The following MAGI1 variants were observed in gnomAD, a reference collection of about 807,000 sequenced individuals.
MAGI1 encodes the protein membrane-associated guanylate kinase, WW and PDZ domain-containing protein 1.
Under a neutral mutation model 139.9 loss-of-function variants are expected in MAGI1, and 58 were observed. That is an observed-to-expected ratio of 0.41 (90% CI 0.34 to 0.52). The LOEUF (loss-of-function observed/expected upper bound fraction) is 0.52. MAGI1 is among the 20% of genes least tolerant of loss of function. The probability of loss-of-function intolerance (pLI) is 0.12; values close to 1 mark genes in which losing one functional copy is unlikely to be tolerated. For synonymous variants in MAGI1, 812 were observed against 737.9 expected, an observed-to-expected ratio of 1.10 and a Z score of -1.63; for missense variants, 1,874 against 1,901.6, an observed-to-expected ratio of 0.99 and a Z score of 0.27.
intron 1 of MAGI1, among the ~76,000 whole-genome samples, chr3:65,775,098 G>A (rs1289866249): frequency 6.6e-6 from 1 of 151,996 alleles, no homozygotes; most frequent in Non-Finnish European, 1.5e-5. Context: ...CAGACTGATT[G>A]ATCTCAAATG....
chr3:65,655,010 T>C (rs1559758360), intron 1 of MAGI1, among the ~76,000 whole-genome samples: 1 of 152,216 alleles, frequency 6.6e-6, no homozygotes, highest in Non-Finnish European at 1.5e-5. Flanking sequence ...ATTTATTTTA[T>C]ATCAATTTCA....
At chr3:65,684,897 T>G (rs1163214727) in intron 1 of MAGI1, among the ~76,000 whole-genome samples, 1 of 143,274 alleles carries the variant, frequency 7.0e-6, no homozygotes, top group Admixed American at 7.0e-5. Flanking sequence ...TTTTTTTTTT[T>G]GGTAGAGATG....
At chr3:66,004,840 C>G (rs1451974252) in intron 1 of MAGI1, among the ~76,000 whole-genome samples, 1 of 152,104 alleles carries the variant, frequency 6.6e-6, no homozygotes, top group Non-Finnish European at 1.5e-5. Context: ...CAGGAGAGAG[C>G]TAGAAGAATG....
intron 13 of MAGI1, among the ~76,000 whole-genome samples, chr3:65,400,364 A>G (rs1385182727): frequency 2.0e-5 from 3 of 152,190 alleles, no homozygotes; most frequent in African/African-American, 7.2e-5. Context: ...TCTCCTTAAT[A>G]AACTTCTGCC....
intron 2 of MAGI1, among the ~76,000 whole-genome samples, chr3:65,570,050 G>A (rs1973812): frequency 0.49 from 72,293 of 148,000 alleles, 18,387 homozygotes; most frequent in East Asian, 0.81. Flanking sequence ...CATTCCTACA[G>A]TGCTTCTTTC....
chr3:65,876,684 TG>T (rs1396580560), intron 1 of MAGI1, among the ~76,000 whole-genome samples: 4 of 152,032 alleles, frequency 2.6e-5, no homozygotes, highest in African/African-American at 9.7e-5. Context: ...TAAAGATTAA[TG>T]TTTTTGTGAT....
intron 22 of MAGI1, 47 bp from the exon 23 acceptor site, chr3:65,357,179 C>T (rs530520266): frequency 7.7e-6 from 12 of 1,551,356 alleles, no homozygotes; most frequent in Middle Eastern, 1.8e-4. Context: ...GAAGGTCCCT[C>T]GGCTCCTGTC....
intron 2 of MAGI1, among the ~76,000 whole-genome samples, chr3:65,612,078 C>A (rs1576477977): frequency 6.6e-6 from 1 of 152,068 alleles, no homozygotes; most frequent in Non-Finnish European, 1.5e-5. Context: ...AACATAGTAA[C>A]AAAATCTCAA....
intron 2 of MAGI1, among the ~76,000 whole-genome samples, chr3:65,527,674 G>A (rs989682087): frequency 4.7e-4 from 71 of 152,256 alleles, no homozygotes; most frequent in African/African-American, 1.6e-3. Context: ...GCAGTGAGCC[G>A]AGATTGGGCC....
intron 1 of MAGI1, among the ~76,000 whole-genome samples, chr3:65,934,770 T>G (rs1049478398): frequency 1.3e-5 from 2 of 148,866 alleles, no homozygotes; most frequent in South Asian, 2.1e-4. Flanking sequence ...AAGTTGTTGT[T>G]TTTTTTTTTT....
chr3:65,763,273 T>C (rs1032478889), intron 1 of MAGI1, among the ~76,000 whole-genome samples: 3 of 152,206 alleles, frequency 2.0e-5, no homozygotes, highest in African/African-American at 7.2e-5. Context: ...TTTTCCAGAA[T>C]TGCCTCTCTG....
intron 1 of MAGI1, among the ~76,000 whole-genome samples, chr3:65,658,849 C>G (rs1041668436): frequency 1.3e-5 from 2 of 152,190 alleles, no homozygotes; most frequent in Non-Finnish European, 2.9e-5. Flanking sequence ...CAGTCTAAAT[C>G]TGAGGGTTTT....
intron 22 of MAGI1, among the ~76,000 whole-genome samples, chr3:65,357,397 A>T (rs558425303): frequency 1.3e-5 from 2 of 152,238 alleles, no homozygotes; most frequent in South Asian, 4.1e-4. Flanking sequence ...GACAAAAATC[A>T]GTCATGATTT....
At chr3:65,430,231 C>G in intron 11 of MAGI1, 91 bp from the exon 12 acceptor site, 1 of 1,304,156 alleles carries the variant, frequency 7.7e-7, no homozygotes, top group East Asian at 2.4e-5. Context: ...TAAAGCTGAA[C>G]TGAAACTGCA....
At chr3:65,385,832 G>A (rs1282030627) in intron 14 of MAGI1, among the ~76,000 whole-genome samples, 1 of 152,156 alleles carries the variant, frequency 6.6e-6, no homozygotes, top group Non-Finnish European at 1.5e-5. Flanking sequence ...GCACGCTAAG[G>A]TAACAATATT....
chr3:65,732,980 AT>A (rs1394124828), intron 1 of MAGI1, among the ~76,000 whole-genome samples: 1 of 152,158 alleles, frequency 6.6e-6, no homozygotes, highest in East Asian at 1.9e-4. Context: ...GTAAGAATCT[AT>A]TAAGTTCTTG....
chr3:65,737,673 G>C (rs1365592223), intron 1 of MAGI1, among the ~76,000 whole-genome samples: 1 of 152,144 alleles, frequency 6.6e-6, no homozygotes, highest in Non-Finnish European at 1.5e-5. Context: ...GATTTTACAT[G>C]GGTAGGTGGC....
At chr3:65,453,124 C>T (rs779531244) in intron 6 of MAGI1, 134 bp downstream of exon 6, 4 of 732,506 alleles carry the variant, frequency 5.5e-6, no homozygotes, top group Non-Finnish European at 7.2e-6. Context: ...AAACCACAGT[C>T]CATTTAGCAG....
intron 1 of MAGI1, among the ~76,000 whole-genome samples, chr3:65,802,825 C>T (rs998394194): frequency 2.0e-4 from 30 of 149,826 alleles, no homozygotes; most frequent in African/African-American, 6.6e-4. Flanking sequence ...CTCTCCAAAA[C>T]TCCACTCAAA....
Sources: gnomAD v4.1 joint callset for allele counts (sites outside exome capture counted in the v4.1 genomes callset) on GRCh38, gnomAD v4.1.1 for gene constraint, MANE v1.5 for transcripts, NCBI Gene and HGNC (gene_info 2026-07-23, HGNC 2026-07-21) for gene names.